The following ADGRG6 variants were observed in gnomAD, a reference collection of about 807,000 sequenced individuals.
The protein encoded by ADGRG6 is G-protein coupled receptor 126.
Under a neutral mutation model 142.4 loss-of-function variants are expected in ADGRG6, and 84 were observed. The ratio of observed to expected loss-of-function variants is 0.59; its 90% CI spans 0.49 to 0.71. The LOEUF is 0.71. Ranked by LOEUF, ADGRG6 falls within the 30% of genes least tolerant of loss-of-function variation. The probability of loss-of-function intolerance (pLI) is 0.00; values close to 1 mark genes in which losing one functional copy is unlikely to be tolerated. For missense variants in ADGRG6, 1,367 were observed against 1,466.6 expected, an observed-to-expected ratio of 0.93 and a Z score of 1.11; for synonymous variants, 521 against 520.5, an observed-to-expected ratio of 1.00 and a Z score of -0.01.
chr6:142,400,997 A>G (rs1775494168), intron 11 of ADGRG6, among the ~76,000 whole-genome samples: 1 of 152,168 alleles, frequency 6.6e-6, no homozygotes, highest in Non-Finnish European at 1.5e-5. Flanking sequence ...GACAAGATCC[A>G]GATTGGGATA....
At position 142,328,863 on chromosome 6, in the gene ADGRG6, A is replaced by C. The variant is rs568732759; in HGVS notation, c.103+19219A>C. Among the ~76,000 whole-genome samples, 6 of 152,294 alleles carry C rather than the reference A, an allele frequency of 3.9e-5. No individual in the cohort carries two copies. The South Asian group carries it at 1.2e-3, about 32-fold the overall frequency. On this transcript the variant is annotated intron_variant, in intron 2 of 24. Transcript: ENST00000367609. ...TAAACTCTTAATCGATGAAATTGAC[A>C]TTGAGGTAAATTGTAGTTTAATTTT...
chr6:142,431,069 A>G (rs752792730), intron 22 of ADGRG6, among the ~76,000 whole-genome samples: 2 of 151,456 alleles, frequency 1.3e-5, no homozygotes, highest in Non-Finnish European at 2.9e-5. Context: ...ACTGAGAATT[A>G]AAACATTTTC....
chr6:142,390,632 A>G (rs1438162211), intron 7 of ADGRG6, among the ~76,000 whole-genome samples: 1 of 151,808 alleles, frequency 6.6e-6, no homozygotes, highest in East Asian at 1.9e-4. Flanking sequence ...TTCATATTAG[A>G]TCCATGTATT....
chr6:142,335,298 T>C (rs1055547593), intron 2 of ADGRG6, among the ~76,000 whole-genome samples: 1 of 152,316 alleles, frequency 6.6e-6, no homozygotes, highest in Middle Eastern at 3.4e-3. Flanking sequence ...AACTTTTTAT[T>C]ACACAATTAT....
chr6:142,303,049 A>G (rs1359030245), intron 1 of ADGRG6, among the ~76,000 whole-genome samples: 1 of 152,208 alleles, frequency 6.6e-6, no homozygotes, highest in African/African-American at 2.4e-5. Flanking sequence ...AGGGTCGCCA[A>G]GCACCGTCTG....
chr6:142,376,047 G>A (rs967952558), intron 4 of ADGRG6, among the ~76,000 whole-genome samples: 1 of 152,022 alleles, frequency 6.6e-6, no homozygotes, highest in South Asian at 2.1e-4. Flanking sequence ...TTTTAAAAAC[G>A]AAATGTTTAT....
At chr6:142,429,778 G>A (rs187199693) in intron 22 of ADGRG6, among the ~76,000 whole-genome samples, 172 of 152,302 alleles carry the variant, frequency 1.1e-3, no homozygotes, top group African/African-American at 3.9e-3. Flanking sequence ...CTGATCAGGT[G>A]TAGTGGCTCA....
At chr6:142,442,715 T>C (rs1777818327) in intron 24 of ADGRG6, among the ~76,000 whole-genome samples, 2 of 152,110 alleles carry the variant, frequency 1.3e-5, no homozygotes, top group African/African-American at 2.4e-5. Flanking sequence ...TCCAGTTGTT[T>C]ATCCAGCTAA....
At position 142,354,252 on chromosome 6, in the gene ADGRG6, G is replaced by A. The variant is rs953003535; in HGVS notation, c.104-13317G>A. Among the ~76,000 whole-genome samples the A allele has an allele frequency of 3.8e-4, 58 of 152,086 alleles. 1 individual carries two copies. The highest frequency in any genetic ancestry group is 1.2e-4 in the African/African-American group (5 of 41,406). On this transcript the variant is annotated intron_variant, in intron 2 of 24. Coordinates refer to ENST00000367609, the MANE Select transcript of ADGRG6 (RefSeq NM_198569.3). ...AAATTAGCTGGGCGTGGTGGCACGCGCCTGTAATCCCGGCTACTCAGGAGG... is the reference window on the plus strand; with the variant it reads ...AAATTAGCTGGGCGTGGTGGCACGCACCTGTAATCCCGGCTACTCAGGAGG...
At chr6:142,357,777 A>G (rs1000341523) in intron 2 of ADGRG6, among the ~76,000 whole-genome samples, 8 of 152,250 alleles carry the variant, frequency 5.3e-5, no homozygotes, top group African/African-American at 7.2e-5. Flanking sequence ...ACCACATAAC[A>G]TGGAATAAAT....
At chr6:142,358,608 CT>C (rs1190001234) in intron 2 of ADGRG6, among the ~76,000 whole-genome samples, 2 of 152,138 alleles carry the variant, frequency 1.3e-5, no homozygotes, top group African/African-American at 4.8e-5. Context: ...AGGAGCAAGG[CT>C]TTAAAAAGTA....
In ADGRG6 at chr6:142,415,803, C is replaced by T. The variant is rs749312742; in HGVS notation, c.2677C>T (p.Arg893Ter). ...CCTTTTTTCATTTTTTAGGAAATTG[C>T]GAAGGGATTATCCCTCCAAAATCTT... ...LLTYVAFEKLRRDYPSKILMN... is the reference protein window; with the variant it reads ...LLTYVAFEKL Residue 893 changes from arginine (R) to a stop codon, truncating the protein, a stop_gained, in exon 20 of 25, where the codon CGA becomes TGA. Transcript: ENST00000367609. LOFTEE classifies it high-confidence loss of function. 8 of 1,607,646 alleles carry T rather than the reference C, an allele frequency of 5.0e-6. No individual in the cohort carries two copies. The highest frequency in any genetic ancestry group is 4.5e-5 in the East Asian group (2 of 44,826).
intron 2 of ADGRG6, among the ~76,000 whole-genome samples, chr6:142,333,064 T>A (rs1779138942): frequency 6.6e-6 from 1 of 152,160 alleles, no homozygotes; most frequent in African/African-American, 2.4e-5. Flanking sequence ...ATTGAAATGG[T>A]GATTGAAATG....
intron 2 of ADGRG6, among the ~76,000 whole-genome samples, chr6:142,341,439 T>C (rs1429980984): frequency 2.5e-5 from 3 of 118,340 alleles, no homozygotes; most frequent in Non-Finnish European, 5.0e-5. Context: ...TATATATAAT[T>C]ATATATATAG....
chr6:142,420,386 T>C (rs541718767), intron 22 of ADGRG6, among the ~76,000 whole-genome samples: 1 of 152,244 alleles, frequency 6.6e-6, no homozygotes, highest in African/African-American at 2.4e-5. Flanking sequence ...CATGAATGAA[T>C]ATGGAGCAAG....
chr6:142,403,829 C>A lies in ADGRG6; in HGVS notation c.1983C>A (p.Ala661=). The A allele has an allele frequency of 6.3e-7, 1 of 1,594,634 alleles. No homozygotes were observed. The highest frequency in any genetic ancestry group is 8.5e-7 in the Non-Finnish European group (1 of 1,173,760). ...CTTTAAAAACAATTGATGAATTGGCCTTCAAGATAGACCTAAATAGCACAT... is the reference window on the plus strand; with the variant it reads ...CTTTAAAAACAATTGATGAATTGGCATTCAAGATAGACCTAAATAGCACAT... ...SEALKTIDEL[A]FKIDLNSTSH... is the part of the protein sequence containing the mutation. The change falls in exon 14 of 25, where the codon GCC becomes GCA. Residue 661 remains alanine (A), a synonymous_variant. Coordinates refer to ENST00000367609, the MANE Select transcript of ADGRG6 (RefSeq NM_198569.3).
At chr6:142,365,314 A>G (rs576207797) in intron 2 of ADGRG6, among the ~76,000 whole-genome samples, 1 of 152,324 alleles carries the variant, frequency 6.6e-6, no homozygotes, top group South Asian at 2.1e-4. Context: ...TGACTTGGTT[A>G]TACTGCATGG....
intron 2 of ADGRG6, among the ~76,000 whole-genome samples, chr6:142,357,988 A>ACTTTATATAGATATCTCAT (rs1312056228): frequency 6.6e-6 from 1 of 152,226 alleles, no homozygotes; most frequent in African/African-American, 2.4e-5. Context: ...TGAGTCATGT[A>ACTTTATATAGATATCTCAT]TGGTCCCAGT....
intron 22 of ADGRG6, among the ~76,000 whole-genome samples, chr6:142,431,898 G>C (rs972253877): frequency 1.3e-5 from 2 of 152,072 alleles, no homozygotes; most frequent in Non-Finnish European, 2.9e-5. Context: ...ACTCCAGCCT[G>C]GGCGACAGAG....
Sources: gnomAD v4.1 joint callset for allele counts (sites outside exome capture counted in the v4.1 genomes callset) on GRCh38, gnomAD v4.1.1 for gene constraint, MANE v1.5 for transcripts, NCBI Gene and HGNC (gene_info 2026-07-23, HGNC 2026-07-21) for gene names.